Variants in CCDC141 observed in about 807,000 individuals in gnomAD.
CCDC141 encodes coiled-coil domain containing 141, also known as coiled-coil domain-containing protein 141.
Under a neutral mutation model 181.0 loss-of-function variants are expected in CCDC141, and 168 were observed. The ratio of observed to expected loss-of-function variants is 0.93; its 90% CI spans 0.82 to 1.05. The LOEUF is 1.05. Among genes scored for constraint, CCDC141 ranks in the 50% least tolerant of loss-of-function variants. The pLI is 0.00. For synonymous variants in CCDC141, 666 were observed against 642.3 expected, an observed-to-expected ratio of 1.04 and a Z score of -0.56; for missense variants, 1,902 against 1,788.5, an observed-to-expected ratio of 1.06 and a Z score of -1.14.
chr2:179,038,770 A>G (rs1422212951), intron 2 of CCDC141, among the ~76,000 whole-genome samples: 1 of 152,212 alleles, frequency 6.6e-6, no homozygotes, highest in African/African-American at 2.4e-5. Context: ...GAGTCAAATT[A>G]GAGGTGAAAT....
chr2:178,902,432 A>G (rs1375980390), intron 8 of CCDC141, among the ~76,000 whole-genome samples: 1 of 152,198 alleles, frequency 6.6e-6, no homozygotes, highest in East Asian at 1.9e-4. Context: ...AACAGAACAG[A>G]GCCCTCAGAA....
At chr2:178,981,650 A>ATATATATATATATATATATATATATG (rs377733700) in intron 2 of CCDC141, among the ~76,000 whole-genome samples, 1 of 127,320 alleles carries the variant, frequency 7.9e-6, no homozygotes, top group Admixed American at 8.3e-5. Flanking sequence ...ATATATATAT[A>ATATATATATATATATATATATATATG]TATATATACA....
chr2:178,900,988 G>A (rs1687660244), intron 8 of CCDC141, among the ~76,000 whole-genome samples: 1 of 152,154 alleles, frequency 6.6e-6, no homozygotes, highest in Non-Finnish European at 1.5e-5. Flanking sequence ...TCAAAGCTCA[G>A]AGAGGTGGAA....
At chr2:179,024,604 G>T (rs1283788081) in intron 2 of CCDC141, among the ~76,000 whole-genome samples, 2 of 150,774 alleles carry the variant, frequency 1.3e-5, no homozygotes, top group Non-Finnish European at 2.9e-5. Context: ...GGCCAGTAAG[G>T]TAAGTGGCAA....
At chr2:178,857,607 AT>A (rs1286864235) in intron 17 of CCDC141, among the ~76,000 whole-genome samples, 1 of 152,126 alleles carries the variant, frequency 6.6e-6, no homozygotes, top group Non-Finnish European at 1.5e-5. Flanking sequence ...CCTTCTCTAT[AT>A]TTAAGAAGGA....
rs1005153518 is a variant in CCDC141 at position 178,944,626 on chromosome 2, A to C, written c.806T>G (p.Ile269Arg). 7.2e-6 allele frequency: 11 copies of C among 1,524,338 alleles called. No individual in the cohort carries two copies. The highest frequency in any genetic ancestry group is 1.7e-4 in the Middle Eastern group (1 of 5,872). The allele number at this position is 1,524,338 out of a possible 1,614,324, so 94.4% of individuals were successfully genotyped here. ...NQVTCWFQKTIRNLQEQSLGS... is the reference protein window; with the variant it reads ...NQVTCWFQKTRRNLQEQSLGS... ...TAGACTTTGTTCCTGTAAATTTCTT[A>C]TAGTTTTCTGAAACCAACAAGTAAC... Residue 269 changes from isoleucine to arginine, a missense_variant, in exon 6 of 24, where the codon ATA becomes AGA. Ile to Arg is a moderately conservative substitution (Grantham distance 97, BLOSUM62 -3). Coordinates refer to ENST00000443758, the MANE Select transcript of CCDC141 (RefSeq NM_173648.4).
chr2:178,823,463 A>C, the CCDC141 span, among the ~76,000 whole-genome samples: 1 of 152,266 alleles, frequency 6.6e-6, no homozygotes, highest in Non-Finnish European at 1.5e-5. Context: ...CACACAAAAC[A>C]TTTGTTCCCG....
chr2:178,881,944 C>A (rs994676820), intron 11 of CCDC141, among the ~76,000 whole-genome samples: 3 of 151,382 alleles, frequency 2.0e-5, no homozygotes, highest in Non-Finnish European at 4.4e-5. Context: ...CACACACACA[C>A]ACACACACAC....
intron 7 of CCDC141, among the ~76,000 whole-genome samples, chr2:178,907,029 C>G (rs1688003120): frequency 6.6e-6 from 1 of 152,186 alleles, no homozygotes; most frequent in Admixed American, 6.5e-5. Context: ...TCATGTCTCC[C>G]ATGTCTGCAA....
At position 178,893,805 on chromosome 2, in the gene CCDC141, A is replaced by T. The variant is rs1406627126; in HGVS notation, c.1266-5137T>A. On this transcript the variant is annotated intron_variant, in intron 8 of 23. Coordinates refer to ENST00000443758, the MANE Select transcript of CCDC141 (RefSeq NM_173648.4). ...CCAAACATTTCTCTCTCTCTCACAC[A>T]CACACACACACACACACGCACACAC... Among the ~76,000 whole-genome samples, 293 of 137,302 alleles carry T rather than the reference A, an allele frequency of 2.1e-3. 7 individuals carry two copies. The South Asian group carries it at 0.024, about 11-fold the overall frequency. The allele number at this position is 137,302 out of a possible 152,430, so 90.1% of individuals were successfully genotyped here.
In CCDC141 at chr2:178,978,583, G is replaced by A. The variant is rs1183612820; in HGVS notation, c.318C>T (p.Ala106=). 4.3e-5 allele frequency: 66 copies of A among 1,549,666 alleles called. No homozygotes were observed. The highest frequency in any genetic ancestry group is 5.3e-5 in the Non-Finnish European group (61 of 1,146,626). The change falls in exon 3 of 24, where the codon GCC becomes GCT. Residue 106 remains alanine (A), a synonymous_variant. Coordinates refer to ENST00000443758, the MANE Select transcript of CCDC141 (RefSeq NM_173648.4). ...KDQSQVYDAM[A]ETLGEAWAAL... is the part of the protein sequence containing the mutation. ...CTGCCCATGCTTCACCCAGAGTCTC[G>A]GCCATGGCATCATAGACCTGACTCT...
At chr2:178,861,822 G>A (rs1207449974) in intron 17 of CCDC141, among the ~76,000 whole-genome samples, 6 of 152,010 alleles carry the variant, frequency 3.9e-5, no homozygotes, top group Non-Finnish European at 7.4e-5. Flanking sequence ...TAACACATTC[G>A]TTGAGTGAAT....
chr2:178,863,202 T>C (rs1023283158), intron 17 of CCDC141, among the ~76,000 whole-genome samples: 2 of 152,188 alleles, frequency 1.3e-5, no homozygotes, highest in African/African-American at 4.8e-5. Context: ...TGTAGCATAT[T>C]CATAACATGA....
chr2:178,904,273 A>G (rs1049733252), intron 8 of CCDC141, among the ~76,000 whole-genome samples: 2 of 152,144 alleles, frequency 1.3e-5, no homozygotes, highest in Non-Finnish European at 2.9e-5. Flanking sequence ...CTTTTATTGG[A>G]AGACCTTGGA....
intron 6 of CCDC141, among the ~76,000 whole-genome samples, chr2:178,930,961 T>G (rs556188904): frequency 6.6e-6 from 1 of 152,214 alleles, no homozygotes; most frequent in African/African-American, 2.4e-5. Flanking sequence ...AAATAAAACT[T>G]TATCAAAATT....
intron 6 of CCDC141, among the ~76,000 whole-genome samples, chr2:178,923,705 G>A (rs1040582577): frequency 2.0e-5 from 3 of 152,128 alleles, no homozygotes; most frequent in African/African-American, 7.2e-5. Context: ...ACAGACGTGA[G>A]GCCCTGTGTG....
At chr2:179,015,743 CTT>C (rs1268354090) in intron 2 of CCDC141, among the ~76,000 whole-genome samples, 9 of 97,814 alleles carry the variant, frequency 9.2e-5, no homozygotes, top group African/African-American at 2.8e-4. Flanking sequence ...ATATATATAT[CTT>C]ATATATATCT....
At chr2:178,968,114 T>G (rs2154379656) in intron 4 of CCDC141, among the ~76,000 whole-genome samples, 1 of 152,256 alleles carries the variant, frequency 6.6e-6, no homozygotes, top group East Asian at 1.9e-4. Flanking sequence ...ACAAAGAGAC[T>G]TAGACTCCCA....
intron 2 of CCDC141, among the ~76,000 whole-genome samples, chr2:179,015,097 TATATATAATATATATATAATC>T (rs1413029315): frequency 0.18 from 7,787 of 42,212 alleles, 1,255 homozygotes; most frequent in Non-Finnish European, 0.29. Context: ...TATATATATA[TATATATAATATATATATAATC>T]ATATATATAT....
Sources: gnomAD v4.1 joint callset for allele counts (sites outside exome capture counted in the v4.1 genomes callset) on GRCh38, gnomAD v4.1.1 for gene constraint, MANE v1.5 for transcripts, NCBI Gene and HGNC (gene_info 2026-07-23, HGNC 2026-07-21) for gene names.